The following DYTN variants were observed in gnomAD, a reference collection of about 807,000 sequenced individuals.
DYTN encodes the protein dystrotelin.
Under a neutral mutation model 69.6 loss-of-function variants are expected in DYTN, and 75 were observed. That is an observed-to-expected ratio of 1.08 (90% CI 0.89 to 1.31). DYTN has a LOEUF of 1.31. Ranked by LOEUF, DYTN falls within the 50% of genes most tolerant of loss-of-function variation. DYTN has a pLI of 0.00. For missense variants in DYTN, 726 were observed against 688.4 expected, an observed-to-expected ratio of 1.05 and a Z score of -0.61; for synonymous variants, 252 against 249.1, an observed-to-expected ratio of 1.01 and a Z score of -0.11.
At chr2:206,699,913 G>C in intron 6 of DYTN, 23 bp from the exon 7 acceptor site, 2 of 1,604,944 alleles carry the variant, frequency 1.2e-6, no homozygotes, top group East Asian at 2.2e-5. Flanking sequence ...GGCACTCTAA[G>C]ATGTGTTTTT....
intron 1 of DYTN, among the ~76,000 whole-genome samples, chr2:206,712,365 C>A (rs1411051516): frequency 6.6e-6 from 1 of 152,134 alleles, no homozygotes. Flanking sequence ...TTTGTGACAG[C>A]AGTTTCAGTG....
chr2:206,681,728 A>G (rs909313376), intron 9 of DYTN, among the ~76,000 whole-genome samples: 3 of 152,150 alleles, frequency 2.0e-5, no homozygotes, highest in East Asian at 1.9e-4. Context: ...GATGAAACCA[A>G]CTTGATTGTG....
intron 9 of DYTN, among the ~76,000 whole-genome samples, chr2:206,688,102 A>G (rs1450831233): frequency 6.6e-6 from 1 of 152,240 alleles, no homozygotes; most frequent in Non-Finnish European, 1.5e-5. Context: ...TGAACAGTGA[A>G]TTAGGAAATA....
intron 9 of DYTN, among the ~76,000 whole-genome samples, chr2:206,682,865 C>A (rs1189383959): frequency 6.6e-6 from 1 of 152,104 alleles, no homozygotes; most frequent in Non-Finnish European, 1.5e-5. Flanking sequence ...TACTATAGAA[C>A]CACCATGACA....
rs575273570 is a variant in DYTN, at chr2:206,709,468, C to G, written c.94+1056G>C. ...CAGCTTACACACACACAGACACACACACACACACACACATACAAGCAAACA... is the reference window on the plus strand; with the variant it reads ...CAGCTTACACACACACAGACACACAGACACACACACACATACAAGCAAACA... On this transcript the variant is annotated intron_variant, in intron 2 of 11. Transcript: ENST00000452335. Among the ~76,000 whole-genome samples, 7 of 152,044 alleles carry G rather than the reference C, an allele frequency of 4.6e-5. No individual in the cohort carries two copies. The South Asian group carries it at 6.2e-4, about 14-fold the overall frequency.
At chr2:206,685,224 C>T (rs1699792964) in intron 9 of DYTN, among the ~76,000 whole-genome samples, 1 of 151,968 alleles carries the variant, frequency 6.6e-6, no homozygotes, top group Non-Finnish European at 1.5e-5. Context: ...TGCAGCAGCG[C>T]AATCACTGCT....
intron 9 of DYTN, among the ~76,000 whole-genome samples, chr2:206,671,980 G>T (rs754833243): frequency 6.6e-6 from 1 of 152,188 alleles, no homozygotes; most frequent in Non-Finnish European, 1.5e-5. Flanking sequence ...CAAGGTTCTT[G>T]GGTTTTAAGT....
chr2:206,674,986 A>G (rs1331049375), intron 9 of DYTN, among the ~76,000 whole-genome samples: 2 of 151,738 alleles, frequency 1.3e-5, no homozygotes, highest in African/African-American at 4.8e-5. Context: ...TACTCTCATT[A>G]AAAATAGTTG....
chr2:206,657,722 T>G (rs751015198), intron 11 of DYTN, among the ~76,000 whole-genome samples: 5 of 152,232 alleles, frequency 3.3e-5, no homozygotes, highest in Non-Finnish European at 7.4e-5. Flanking sequence ...ATGCAAAAAC[T>G]GTTATAATCT....
At position 206,704,966 on chromosome 2, in the gene DYTN, C is replaced by A. The variant is rs1472829878; in HGVS notation, c.383-23G>T. 1.8e-5 allele frequency: 28 copies of A among 1,585,066 alleles called. No individual in the cohort carries two copies. In the Admixed American group the frequency reaches 4.4e-4, roughly 25 times the overall value. Reference sequence around the variant, plus strand: ...GAGCTAGACATGTAGGAGGAACAATCTTTAAATTGAATACTTGCAATGTAT... The same window carrying A: ...GAGCTAGACATGTAGGAGGAACAATATTTAAATTGAATACTTGCAATGTAT... On this transcript the variant is annotated intron_variant, in intron 4 of 11. Transcript: ENST00000452335.
chr2:206,706,730 C>G (rs1349522755), intron 3 of DYTN, among the ~76,000 whole-genome samples: 1 of 151,932 alleles, frequency 6.6e-6, no homozygotes, highest in East Asian at 1.9e-4. Context: ...TAAACCAAAT[C>G]GAGGAGGGGG....
chr2:206,660,533 TA>T (rs1263368224), intron 11 of DYTN, among the ~76,000 whole-genome samples: 1 of 152,182 alleles, frequency 6.6e-6, no homozygotes, highest in African/African-American at 2.4e-5. Flanking sequence ...CGCTAAAGAC[TA>T]AAAAACTTTT....
intron 9 of DYTN, among the ~76,000 whole-genome samples, chr2:206,673,934 G>A (rs554103311): frequency 6.6e-6 from 1 of 152,252 alleles, no homozygotes; most frequent in African/African-American, 2.4e-5. Context: ...TCACTATTGA[G>A]TCTTCTAATA....
chr2:206,667,274 G>GCTCCTC (rs951264921), intron 9 of DYTN, among the ~76,000 whole-genome samples: 1 of 152,084 alleles, frequency 6.6e-6, no homozygotes, highest in African/African-American at 2.4e-5. Context: ...GCCATATGGA[G>GCTCCTC]CTCCTCGCTC....
chr2:206,653,835 C>T (rs757595447), intron 11 of DYTN, among the ~76,000 whole-genome samples: 30 of 152,128 alleles, frequency 2.0e-4, no homozygotes, highest in Non-Finnish European at 3.5e-4. Context: ...AACAGTTTTC[C>T]CAGCTTTCCC....
At chr2:206,711,425 G>C (rs1700077329) in intron 1 of DYTN, among the ~76,000 whole-genome samples, 1 of 152,070 alleles carries the variant, frequency 6.6e-6, no homozygotes, top group Non-Finnish European at 1.5e-5. Flanking sequence ...CTTAAAAGTA[G>C]TTACTTTTGA....
At chr2:206,679,014 A>T (rs1466323900) in intron 9 of DYTN, 1 of 152,142 alleles carries the variant, frequency 6.6e-6, no homozygotes, top group East Asian at 1.9e-4. Flanking sequence ...TTTTGGACTC[A>T]CCTGGTAACA....
intron 1 of DYTN, among the ~76,000 whole-genome samples, chr2:206,711,398 C>A (rs1312395796): frequency 5.9e-5 from 9 of 152,170 alleles, no homozygotes; most frequent in African/African-American, 2.2e-4. Flanking sequence ...ATACTTAGTT[C>A]TGTTCCTTCC....
chr2:206,682,281 G>C (rs1422088040), intron 9 of DYTN, among the ~76,000 whole-genome samples: 1 of 151,904 alleles, frequency 6.6e-6, no homozygotes, highest in African/African-American at 2.4e-5. Flanking sequence ...TTCTGTATTA[G>C]TCTAGCCAGT....
Sources: allele counts gnomAD v4.1 joint callset (sites outside exome capture counted in the v4.1 genomes callset), GRCh38; gene constraint gnomAD v4.1.1; transcripts MANE v1.5; gene names NCBI Gene and HGNC (gene_info 2026-07-23, HGNC 2026-07-21).